Variants in CNKSR2 observed in about 807,000 individuals in gnomAD.
The protein encoded by CNKSR2 is CNK homolog protein 2.
A neutral mutation model predicts 84.4 loss-of-function variants in CNKSR2; 14 were observed. The observed-to-expected ratio is 0.17, with a 90% CI of 0.11 to 0.26. The LOEUF (loss-of-function observed/expected upper bound fraction) is 0.26, where lower values mean the gene tolerates loss of function less well. Ranked by LOEUF, CNKSR2 falls within the 10% of genes least tolerant of loss-of-function variation. CNKSR2 has a pLI of 1.00. For missense variants in CNKSR2, 485 were observed against 771.2 expected, an observed-to-expected ratio of 0.63 and a Z score of 4.40; for synonymous variants, 275 against 277.9, an observed-to-expected ratio of 0.99 and a Z score of 0.10.
chrX:21,384,292 A>G (rs1016898714), intron 1 of CNKSR2, among the ~76,000 whole-genome samples: 29 of 111,189 alleles, frequency 2.6e-4, no homozygotes, highest in Non-Finnish European at 3.8e-4. Context: ...TGGTGTCAGG[A>G]TGAGCTTTGT....
At chrX:21,410,151 G>T (rs1302796680) in intron 1 of CNKSR2, among the ~76,000 whole-genome samples, 1 of 108,602 alleles carries the variant, frequency 9.2e-6, no homozygotes, top group Admixed American at 9.9e-5. Flanking sequence ...GACAAGTGTT[G>T]CTCTAGTAAT....
At chrX:21,442,427 G>C (rs947903027) in intron 4 of CNKSR2, among the ~76,000 whole-genome samples, 1 of 111,656 alleles carries the variant, frequency 9.0e-6, no homozygotes, top group Admixed American at 9.5e-5. Context: ...ATGGATATCA[G>C]CTTAACCTAA....
At chrX:21,474,626 G>T (rs1438926864) in intron 5 of CNKSR2, among the ~76,000 whole-genome samples, 1 of 112,095 alleles carries the variant, frequency 8.9e-6, no homozygotes, top group Non-Finnish European at 1.9e-5. Flanking sequence ...TAGTGCAACT[G>T]AAGTGAAGCA....
intron 11 of CNKSR2, among the ~76,000 whole-genome samples, chrX:21,552,701 A>G (rs1301737045): frequency 1.8e-5 from 2 of 112,013 alleles, no homozygotes; most frequent in African/African-American, 6.5e-5. Context: ...AGTAAATCTT[A>G]TTTATGATGA....
chrX:21,477,808 G>A (rs1028877812), intron 5 of CNKSR2, among the ~76,000 whole-genome samples: 2 of 111,838 alleles, frequency 1.8e-5, no homozygotes, highest in African/African-American at 6.5e-5. Context: ...AAATAAAAGT[G>A]ATCATATTAA....
intron 6 of CNKSR2, chrX:21,493,407 G>T (rs2091462235): frequency 9.0e-6 from 1 of 111,726 alleles, no homozygotes; most frequent in South Asian, 3.8e-4. Flanking sequence ...CTCCAAATAT[G>T]CCTTATTCCA....
chrX:21,498,016 C>T (rs922685959), intron 7 of CNKSR2, among the ~76,000 whole-genome samples, 170 bp downstream of exon 7: 3 of 111,081 alleles, frequency 2.7e-5, no homozygotes, highest in Non-Finnish European at 3.8e-5. Context: ...TTCAAATTTC[C>T]CTTTTTTTTT....
chrX:21,630,182 T>C (rs149337575), intron 20 of CNKSR2, among the ~76,000 whole-genome samples: 1 of 112,102 alleles, frequency 8.9e-6, no homozygotes, highest in Non-Finnish European at 1.9e-5. Context: ...ATAGTCTGGA[T>C]TTGAAATGCA....
intron 4 of CNKSR2, among the ~76,000 whole-genome samples, chrX:21,454,739 G>T (rs746246376): frequency 8.9e-6 from 1 of 111,997 alleles, no homozygotes; most frequent in African/African-American, 3.2e-5. Flanking sequence ...GGGAAAACAT[G>T]AATATAAACT....
Position 21,567,314 on chromosome X carries a change from A to G in CNKSR2, c.1608+3862A>G, listed in dbSNP as rs144961758. 3.7e-3 allele frequency among the ~76,000 whole-genome samples: 413 copies of G among 112,094 alleles called. 1 individual carries two copies. The highest frequency in any genetic ancestry group is 0.013 in the African/African-American group (403 of 30,877). ...ATGTTCATGATGATAAGCAGGGACA[A>G]TTTCTCCATTTTGTTCAGTACTGTA... On this transcript the variant is annotated intron_variant, in intron 13 of 21. Coordinates refer to ENST00000379510, the MANE Select transcript of CNKSR2 (RefSeq NM_014927.5).
chrX:21,387,281 A>C (rs1183063780), intron 1 of CNKSR2, among the ~76,000 whole-genome samples: 1 of 111,455 alleles, frequency 9.0e-6, no homozygotes, highest in Non-Finnish European at 1.9e-5. Flanking sequence ...CAGGAGGTCG[A>C]GATCAGCCTG....
At chrX:21,563,519 G>A (rs1275617959) in intron 13 of CNKSR2, 67 bp downstream of exon 13, 3 of 821,535 alleles carry the variant, frequency 3.7e-6, no homozygotes, top group South Asian at 6.0e-5. Context: ...ACTCTTTTGG[G>A]TAAAGTCTAG....
intron 1 of CNKSR2, among the ~76,000 whole-genome samples, chrX:21,388,132 C>T (rs2089997762): frequency 9.0e-6 from 1 of 111,355 alleles, no homozygotes; most frequent in Admixed American, 9.6e-5. Context: ...ATCTCCTGAC[C>T]TCGTGATCCG....
chrX:21,637,841 G>T lies in CNKSR2; in HGVS notation c.2693-10990G>T, dbSNP rs772552301. Among the ~76,000 whole-genome samples the T allele has an allele frequency of 2.0e-4, 22 of 111,606 alleles. 1 individual carries two copies. The South Asian group carries it at 7.9e-3, about 40-fold the overall frequency. ...CAAATAACTATGTTAAGTAAATAAG[G>T]TTTTTCAAAATAAACACAAAACAAT... On this transcript the variant is annotated intron_variant, in intron 20 of 21. Coordinates refer to ENST00000379510, the MANE Select transcript of CNKSR2 (RefSeq NM_014927.5).
At chrX:21,404,390 A>G (rs1221086051) in intron 1 of CNKSR2, among the ~76,000 whole-genome samples, 1 of 111,086 alleles carries the variant, frequency 9.0e-6, no homozygotes, top group Non-Finnish European at 1.9e-5. Context: ...TTGGGAAGAC[A>G]TTTTCCATCC....
chrX:21,514,059 A>G (rs1387734453), intron 8 of CNKSR2, among the ~76,000 whole-genome samples: 1 of 111,517 alleles, frequency 9.0e-6, no homozygotes, highest in East Asian at 2.8e-4. Context: ...TGTTTTCTAT[A>G]TTTATGTACA....
chrX:21,384,617 A>G (rs1305556388), intron 1 of CNKSR2, among the ~76,000 whole-genome samples: 3 of 112,011 alleles, frequency 2.7e-5, no homozygotes, highest in Non-Finnish European at 3.8e-5. Context: ...AGGTTTGCTG[A>G]TCAATCTAAT....
At chrX:21,411,453 G>A (rs964156967) in intron 1 of CNKSR2, among the ~76,000 whole-genome samples, 10 of 111,324 alleles carry the variant, frequency 9.0e-5, no homozygotes, top group Admixed American at 1.9e-4. Flanking sequence ...TCCTTTCTGC[G>A]GCAAAAGGCA....
At chrX:21,435,870 A>T (rs1214335116) in intron 3 of CNKSR2, among the ~76,000 whole-genome samples, 1 of 111,666 alleles carries the variant, frequency 9.0e-6, no homozygotes, top group Non-Finnish European at 1.9e-5. Context: ...GAGAGTTTAT[A>T]AAATACCTTT....
Sources: gnomAD v4.1 joint callset for allele counts (sites outside exome capture counted in the v4.1 genomes callset) on GRCh38, gnomAD v4.1.1 for gene constraint, MANE v1.5 for transcripts, NCBI Gene and HGNC (gene_info 2026-07-23, HGNC 2026-07-21) for gene names.